Variants in BRINP2 observed in about 807,000 individuals in gnomAD.
BRINP2 encodes BMP/retinoic acid-inducible neural-specific protein 2.
In BRINP2, 21 loss-of-function variants were observed where a neutral mutation model predicts 69.2. That is an observed-to-expected ratio of 0.30 (90% confidence interval 0.22 to 0.44). BRINP2 has a LOEUF of 0.44. Among genes scored for constraint, BRINP2 ranks in the 20% least tolerant of loss-of-function variants. The pLI, the probability that BRINP2 is intolerant of heterozygous loss-of-function variation, is 1.00. For missense variants in BRINP2, 877 were observed against 986.0 expected (o/e 0.89, Z 1.48); for synonymous variants, 380 against 394.1 (o/e 0.96, Z 0.42).
At chr1:177,249,096 C>T (rs1244727318) in intron 2 of BRINP2, among the ~76,000 whole-genome samples, 13 of 152,160 alleles carry the variant, frequency 8.5e-5, no homozygotes, top group Admixed American at 8.5e-4. Context: ...ATTACTTCAG[C>T]ACTGATTATT....
chr1:177,271,869 C>G, intron 4 of BRINP2, among the ~76,000 whole-genome samples: 2 of 152,180 alleles, frequency 1.3e-5, no homozygotes, highest in East Asian at 3.9e-4. Flanking sequence ...CCTTCGTGGA[C>G]TACTTCAAGC....
At chr1:177,195,281 C>T (rs1448167773) in intron 1 of BRINP2, among the ~76,000 whole-genome samples, 5 of 151,986 alleles carry the variant, frequency 3.3e-5, no homozygotes, top group African/African-American at 1.2e-4. Flanking sequence ...TGGGCCATTG[C>T]CATATCCCTG....
rs535792583 is a variant in BRINP2, at chr1:177,260,562, A to C, written c.669+3178A>C. 3.2e-4 allele frequency among the ~76,000 whole-genome samples: 49 copies of C among 152,234 alleles called. No individual in the cohort carries two copies. The South Asian group carries it at 0.01, about 32-fold the overall frequency. ...AAAGGAAGAGTCCATTGATGCAGCA[A>C]ACTTCATTGTTGTCTTAGTTTAAGG... On this transcript the variant is annotated intron_variant, in intron 4 of 7. Coordinates refer to ENST00000361539, the MANE Select transcript of BRINP2 (RefSeq NM_021165.4).
chr1:177,275,199 C>T, intron 5 of BRINP2: 1 of 456,250 alleles, frequency 2.2e-6, no homozygotes, highest in South Asian at 1.5e-5. Flanking sequence ...CCAGCAGCCG[C>T]CTTGTGAGTG....
At chr1:177,222,606 C>T (rs946471364) in intron 1 of BRINP2, among the ~76,000 whole-genome samples, 1 of 152,134 alleles carries the variant, frequency 6.6e-6, no homozygotes, top group African/African-American at 2.4e-5. Context: ...GCCACTGTGG[C>T]CGGTCAGGCC....
Position 177,280,794 on chromosome 1 carries a change from A to G in BRINP2, c.1618A>G (p.Ser540Gly). The change falls in exon 8 of 8, where the codon AGC becomes GGC. Residue 540 changes from serine (S) to glycine (G), a missense_variant. Physicochemically the swap from Ser to Gly is moderately conservative, Grantham distance 56. Transcript: ENST00000361539. ...IFISNDMRLG[S>G]WFDPSWRKRM... ...CATCAGCAATGACATGCGGCTGGGC[A>G]GCTGGTTTGACCCTTCCTGGAGGAA... 1.2e-6 allele frequency: 2 copies of G among 1,614,106 alleles called. No homozygotes were observed. Among genetic ancestry groups the G allele is most frequent in the Non-Finnish European group, 1.7e-6 (2 of 1,179,984 alleles).
intron 7 of BRINP2, 142 bp downstream of exon 7, chr1:177,278,927 G>A (rs1390147072): frequency 2.7e-6 from 2 of 754,466 alleles, no homozygotes; most frequent in Non-Finnish European, 2.2e-6. Context: ...ACCTACTCAT[G>A]TGTGTCATTC....
At chr1:177,207,748 G>A (rs1649107956) in intron 1 of BRINP2, among the ~76,000 whole-genome samples, 1 of 152,132 alleles carries the variant, frequency 6.6e-6, no homozygotes, top group African/African-American at 2.4e-5. Flanking sequence ...TTTCTCTCTG[G>A]TTGCTTCCCT....
chr1:177,183,576 T>C (rs1468799191), intron 1 of BRINP2, among the ~76,000 whole-genome samples: 2 of 152,152 alleles, frequency 1.3e-5, no homozygotes, highest in Admixed American at 6.5e-5. Flanking sequence ...ATCATAAAGA[T>C]ACTAAGCTTA....
intron 1 of BRINP2, among the ~76,000 whole-genome samples, chr1:177,209,328 C>G (rs1168337823): frequency 1.3e-5 from 2 of 152,152 alleles, no homozygotes; most frequent in African/African-American, 4.8e-5. Context: ...TCCACACCAG[C>G]TGAGATGTCA....
At position 177,180,808 on chromosome 1, in the gene BRINP2, T is replaced by C. The variant is rs146276930; in HGVS notation, c.-77+9076T>C. The stretch of plus-strand genomic sequence containing the variant: ...TTAAAAAGCAAAACTTGTGATTCAT[T>C]TAAAATCACAGGTGATATATTAAAA... On this transcript the variant is annotated intron_variant, in intron 1 of 7. Coordinates refer to ENST00000361539, the MANE Select transcript of BRINP2 (RefSeq NM_021165.4). Among the ~76,000 whole-genome samples, 4 of 152,276 alleles carry C rather than the reference T, an allele frequency of 2.6e-5. No homozygotes were observed. The East Asian group carries it at 7.7e-4, about 29-fold the overall frequency.
chr1:177,268,106 T>G (rs1651184795), intron 4 of BRINP2, among the ~76,000 whole-genome samples: 1 of 152,222 alleles, frequency 6.6e-6, no homozygotes, highest in Non-Finnish European at 1.5e-5. Flanking sequence ...AAGGACCCAT[T>G]GCTAGACTAA....
chr1:177,248,689 T>A (rs1239991825), intron 2 of BRINP2, among the ~76,000 whole-genome samples: 1 of 152,044 alleles, frequency 6.6e-6, no homozygotes, highest in African/African-American at 2.4e-5. Context: ...TCTTTCTGAG[T>A]CTTTCATCTT....
At chr1:177,187,672 G>A (rs887010614) in intron 1 of BRINP2, among the ~76,000 whole-genome samples, 4 of 152,114 alleles carry the variant, frequency 2.6e-5, no homozygotes, top group Admixed American at 6.6e-5. Flanking sequence ...TCGGTATGTC[G>A]ACTTCCGCTC....
At chr1:177,238,525 T>G (rs1385473509) in intron 2 of BRINP2, among the ~76,000 whole-genome samples, 2 of 152,156 alleles carry the variant, frequency 1.3e-5, no homozygotes, top group African/African-American at 4.8e-5. Flanking sequence ...GAGCTGACTG[T>G]GAGGAGGGGG....
intron 2 of BRINP2, among the ~76,000 whole-genome samples, chr1:177,235,160 A>G (rs1183497966): frequency 6.6e-6 from 1 of 152,218 alleles, no homozygotes; most frequent in Non-Finnish European, 1.5e-5. Flanking sequence ...CCAGAACGTC[A>G]GGCCTCTCCC....
intron 1 of BRINP2, among the ~76,000 whole-genome samples, chr1:177,186,272 T>A (rs181734951): frequency 6.6e-6 from 1 of 152,270 alleles, no homozygotes; most frequent in East Asian, 1.9e-4. Flanking sequence ...AATTCCAATT[T>A]TGGCCTCTGG....
intron 1 of BRINP2, among the ~76,000 whole-genome samples, chr1:177,228,316 G>A (rs534880354): frequency 6.6e-6 from 1 of 152,146 alleles, no homozygotes; most frequent in Admixed American, 6.5e-5. Context: ...GGTGAGGCAC[G>A]GATCTCTCAG....
intron 1 of BRINP2, among the ~76,000 whole-genome samples, chr1:177,195,252 G>T (rs1454590706): frequency 1.3e-5 from 2 of 151,992 alleles, no homozygotes; most frequent in Non-Finnish European, 2.9e-5. Context: ...AGTTTTGGAG[G>T]CACTTCCAAA....
Sources: allele counts gnomAD v4.1 joint callset (sites outside exome capture counted in the v4.1 genomes callset), GRCh38; gene constraint gnomAD v4.1.1; transcripts MANE v1.5; gene names NCBI Gene and HGNC (gene_info 2026-07-23, HGNC 2026-07-21).